The following TAB3 variants were observed in gnomAD, a reference collection of about 807,000 sequenced individuals.
The protein encoded by TAB3 is TGF-beta activated kinase 1 (MAP3K7) binding protein 3.
Under a neutral mutation model 48.1 loss-of-function variants are expected in TAB3, and 18 were observed. The ratio of observed to expected loss-of-function variants is 0.37; its 90% CI spans 0.26 to 0.55. The LOEUF (loss-of-function observed/expected upper bound fraction) is 0.55. TAB3 is among the 20% of genes least tolerant of loss of function. The pLI is 0.78. For synonymous variants in TAB3, 185 were observed against 190.2 expected (o/e 0.97, Z 0.22); for missense variants, 414 against 549.8 (o/e 0.75, Z 2.47).
chrX:30,881,794 C>T (rs1940006426), intron 1 of TAB3, among the ~76,000 whole-genome samples: 1 of 111,811 alleles, frequency 8.9e-6, no homozygotes, highest in African/African-American at 3.2e-5. Context: ...TCATAAGAAG[C>T]TCTGAATATG....
At chrX:30,832,982 T>A (rs1450180367) in intron 10 of TAB3, among the ~76,000 whole-genome samples, 1 of 108,395 alleles carries the variant, frequency 9.2e-6, no homozygotes, top group Non-Finnish European at 1.9e-5. Context: ...TCTTTTTTTT[T>A]TTTTTTGAGA....
Position 30,854,996 on chromosome X carries a change from G to A in TAB3, c.669C>T (p.Leu223=). 8.3e-7 allele frequency: 1 copy of A among 1,211,017 alleles called. No homozygotes were observed. Residue 223 remains leucine (L), a synonymous_variant, in exon 6 of 11, where the codon CTC becomes CTT. Transcript: ENST00000288422. ...LQILPQIPSN[L]YGSPGSIYIR... is the part of the protein sequence containing the mutation. ...TATAAATAGAACCAGGAGACCCATAGAGATTGCTTGGAATTTGTGGAAGAA... is the reference window on the plus strand; with the variant it reads ...TATAAATAGAACCAGGAGACCCATAAAGATTGCTTGGAATTTGTGGAAGAA...
chrX:30,859,393 A>AC, intron 5 of TAB3, 94 bp downstream of exon 5: 2 of 425,239 alleles, frequency 4.7e-6, no homozygotes, highest in South Asian at 3.3e-5. Flanking sequence ...CACACACACA[A>AC]GAAAACATAC....
intron 1 of TAB3, among the ~76,000 whole-genome samples, chrX:30,881,901 A>C (rs1940008634): frequency 8.9e-6 from 1 of 112,451 alleles, no homozygotes; most frequent in East Asian, 2.8e-4. Flanking sequence ...GTTTACTGGC[A>C]GTGTCTCTCA....
rs1402212120 is a variant in TAB3 at position 30,830,326 on chromosome X, A to G, written c.*1101T>C. On this transcript the variant is annotated 3_prime_UTR_variant, in exon 11 of 11. Transcript: ENST00000288422. ...GTTGGCCAACTGTAATTCCCCTCAC[A>G]CTGGTTTGTTAACATATGCAAGTAA... 1 of 112,063 alleles carries G rather than the reference A, an allele frequency of 8.9e-6. No homozygotes were observed. Among genetic ancestry groups the G allele is most frequent in the Non-Finnish European group, 1.9e-5 (1 of 53,171 alleles). 9.2% of individuals were successfully genotyped at this position (112,063 alleles called of 1,213,427 possible).
At chrX:30,842,122 A>G (rs897986059) in intron 9 of TAB3, among the ~76,000 whole-genome samples, 2 of 112,962 alleles carry the variant, frequency 1.8e-5, no homozygotes, top group Admixed American at 1.9e-4. Context: ...AGAAATGCCA[A>G]TTAAACATTT....
At chrX:30,870,263 G>C (rs762200457) in intron 2 of TAB3, among the ~76,000 whole-genome samples, 2 of 112,316 alleles carry the variant, frequency 1.8e-5, no homozygotes, top group East Asian at 5.6e-4. Context: ...ATATTTAAAA[G>C]ATTTTTTTAA....
At chrX:30,868,538 TTA>T (rs1223730766) in intron 2 of TAB3, among the ~76,000 whole-genome samples, 135 of 2,225 alleles carry the variant, frequency 0.061, 17 homozygotes, top group Non-Finnish European at 0.08. Flanking sequence ...TATATATAGC[TTA>T]TATATATATA....
chrX:30,888,226 C>A (rs756050841), intron 1 of TAB3, among the ~76,000 whole-genome samples: 85 of 112,817 alleles, frequency 7.5e-4, no homozygotes, highest in African/African-American at 2.6e-3. Flanking sequence ...TTTTCTCATT[C>A]ATTCTTGTTC....
rs1937959160 is a variant in TAB3 at position 30,829,166 on chromosome X, G to T, written c.*2261C>A. On this transcript the variant is annotated 3_prime_UTR_variant, in exon 11 of 11. Coordinates refer to ENST00000288422, the MANE Select transcript of TAB3 (RefSeq NM_152787.5). ...GACTAGATAATATCACCAAAGGATT[G>T]AAACCATGCATCTACTGTATAACAG... 1 of 112,149 alleles carries T rather than the reference G, an allele frequency of 8.9e-6. No homozygotes were observed. The highest frequency in any genetic ancestry group is 1.9e-5 in the Non-Finnish European group (1 of 53,185). 9.2% of individuals were successfully genotyped at this position (112,149 alleles called of 1,213,427 possible). A position where few individuals can be genotyped will look rare whatever the true frequency, so the allele number is the denominator to read the frequency against.
chrX:30,841,556 T>G (rs952465250), intron 9 of TAB3, among the ~76,000 whole-genome samples: 3 of 111,483 alleles, frequency 2.7e-5, no homozygotes, highest in African/African-American at 9.8e-5. Flanking sequence ...ATGAGCTTAA[T>G]ATACGTAGAA....
intron 7 of TAB3, among the ~76,000 whole-genome samples, chrX:30,852,396 T>C (rs955210524): frequency 8.9e-6 from 1 of 111,957 alleles, no homozygotes; most frequent in Non-Finnish European, 1.9e-5. Flanking sequence ...AAATAATTAA[T>C]TTTAAATGTT....
At chrX:30,841,517 C>G (rs1601803093) in intron 9 of TAB3, among the ~76,000 whole-genome samples, 1 of 96,805 alleles carries the variant, frequency 1.0e-5, no homozygotes, top group African/African-American at 3.5e-5. Flanking sequence ...TATGTTGCAA[C>G]TTATAAATAA....
At chrX:30,842,157 T>C (rs994098350) in intron 9 of TAB3, among the ~76,000 whole-genome samples, 4 of 112,754 alleles carry the variant, frequency 3.5e-5, no homozygotes, top group African/African-American at 1.3e-4. Context: ...AGAACATGTT[T>C]GATATCTTTA....
At chrX:30,883,727 T>C (rs752809938) in intron 1 of TAB3, among the ~76,000 whole-genome samples, 3 of 112,299 alleles carry the variant, frequency 2.7e-5, no homozygotes, top group African/African-American at 6.5e-5. Flanking sequence ...TCAGTGCATG[T>C]TCCTGCTGAG....
chrX:30,882,564 C>A (rs1442315712), intron 1 of TAB3, among the ~76,000 whole-genome samples: 2 of 112,080 alleles, frequency 1.8e-5, no homozygotes, highest in African/African-American at 3.2e-5. Flanking sequence ...CAAGATAAAT[C>A]CCTGGACTTG....
chrX:30,846,524 T>C, intron 8 of TAB3, 27 bp downstream of exon 8: 4 of 1,090,623 alleles, frequency 3.7e-6, no homozygotes, highest in Non-Finnish European at 5.0e-6. Flanking sequence ...CTATTACTTA[T>C]GGTTTACCAA....
chrX:30,837,571 T>C (rs1938278376), intron 9 of TAB3, among the ~76,000 whole-genome samples: 1 of 112,185 alleles, frequency 8.9e-6, no homozygotes, highest in Admixed American at 9.5e-5. Flanking sequence ...AGAAATTCTT[T>C]ATATACTCTG....
At position 30,855,313 on chromosome X, in the gene TAB3, T is replaced by G. The variant is rs892193007; in HGVS notation, c.352A>C (p.Ile118Leu). The G allele has an allele frequency of 3.3e-6, 4 of 1,210,037 alleles. No homozygotes were observed. The highest frequency in any genetic ancestry group is 4.5e-6 in the Non-Finnish European group (4 of 895,324). Reference sequence around the variant, plus strand: ...GAGTGTGGTTCTTGAACTAAACATATCAGCTGTTTACCTGCTGCATGCTGA... The same window carrying G: ...GAGTGTGGTTCTTGAACTAAACATAGCAGCTGTTTACCTGCTGCATGCTGA... The part of the protein sequence containing the change: ...DPQHAAGKQL[I>L]CLVQEPHSAP... Residue 118 changes from isoleucine (I) to leucine (L), a missense_variant, in exon 6 of 11, where the codon ATA becomes CTA. Physicochemically the swap from Ile to Leu is conservative, Grantham distance 5 (BLOSUM62 2). Transcript: ENST00000288422.
Sources: allele counts gnomAD v4.1 joint callset (sites outside exome capture counted in the v4.1 genomes callset), GRCh38; gene constraint gnomAD v4.1.1; transcripts MANE v1.5; gene names NCBI Gene and HGNC (gene_info 2026-07-23, HGNC 2026-07-21).